Variants in STARD7 observed in about 807,000 individuals in gnomAD.
STARD7 encodes StAR related lipid transfer domain containing 7.
In STARD7, 30 loss-of-function variants were observed where a neutral mutation model predicts 45.3. That is an observed-to-expected ratio of 0.66 (90% CI 0.50 to 0.90). STARD7 has a LOEUF of 0.90. Ranked by LOEUF, STARD7 falls within the 40% of genes least tolerant of loss-of-function variation. The probability of loss-of-function intolerance (pLI) is 0.00; values close to 1 mark genes in which losing one functional copy is unlikely to be tolerated. For missense variants in STARD7, 495 were observed against 491.3 expected (o/e 1.01, Z -0.07); for synonymous variants, 199 against 183.0 (o/e 1.09, Z -0.70).
intron 3 of STARD7, among the ~76,000 whole-genome samples, chr2:96,193,617 A>G (rs1390550054): frequency 1.3e-5 from 2 of 152,274 alleles, no homozygotes; most frequent in African/African-American, 4.8e-5. Flanking sequence ...AAATATTTTA[A>G]TAGACACATC....
intron 1 of STARD7, among the ~76,000 whole-genome samples, chr2:96,204,377 A>ACC (rs1683354604): frequency 1.3e-5 from 2 of 151,936 alleles, no homozygotes; most frequent in African/African-American, 4.8e-5. Flanking sequence ...ACATGGTGAA[A>ACC]CCCCATCTCT....
At position 96,208,400 on chromosome 2, in the gene STARD7, G is replaced by T; in HGVS notation, c.35C>A (p.Ala12Glu). ...LPRRLLAAWL[A>E]GTRGGGLLAL... ...CAGCAGGCCCCCGCCCCGCGTCCCCGCCAGCCAGGCGGCCAGCAGCCTCCG... is the reference window on the plus strand; with the variant it reads ...CAGCAGGCCCCCGCCCCGCGTCCCCTCCAGCCAGGCGGCCAGCAGCCTCCG... Residue 12 changes from alanine (A) to glutamate (E), a missense_variant, in exon 1 of 8, where the codon GCG (alanine) becomes GAG (glutamate). Ala to Glu is a moderately radical substitution (Grantham distance 107). This residue lies in a region of STARD7 where 282 missense variants were observed against 220.1 expected (regional missense o/e 1.28). Transcript: ENST00000337288. The T allele has an allele frequency of 1.4e-6, 2 of 1,447,232 alleles. No homozygotes were observed. The highest frequency in any genetic ancestry group is 1.8e-6 in the Non-Finnish European group (2 of 1,110,258). 89.6% of individuals were successfully genotyped at this position (1,447,232 alleles called of 1,614,324 possible).
rs769676604 is a variant in STARD7 at position 96,195,530 on chromosome 2, G to T, written c.310C>A (p.Arg104=). The change falls in exon 2 of 8, where the codon CGG becomes AGG. Residue 104 remains arginine (R), a synonymous_variant. Coordinates refer to ENST00000337288, the MANE Select transcript of STARD7 (RefSeq NM_020151.4). ...ELQRSINEMK[R]LEEMSNMFQS... is the part of the protein sequence containing the mutation. ...AACATATTTGACATTTCTTCCAACC[G>T]CTTCATCTCATTAATAGATCTGTAA... 1 of 1,613,096 alleles carries T rather than the reference G, an allele frequency of 6.2e-7. No individual in the cohort carries two copies. Among genetic ancestry groups the T allele is most frequent in the South Asian group, 1.1e-5 (1 of 90,898 alleles).
At chr2:96,196,194 G>A (rs1683203382) in intron 1 of STARD7, among the ~76,000 whole-genome samples, 1 of 151,860 alleles carries the variant, frequency 6.6e-6, no homozygotes, top group African/African-American at 2.4e-5. Context: ...GCCAGGCACA[G>A]AGGCTCACTC....
At chr2:96,202,304 C>CT (rs1431004628) in intron 1 of STARD7, among the ~76,000 whole-genome samples, 2 of 152,166 alleles carry the variant, frequency 1.3e-5, no homozygotes, top group Non-Finnish European at 2.9e-5. Flanking sequence ...CAACACTGCT[C>CT]TAAGTAGATT....
chr2:96,199,029 C>T (rs894870805), intron 1 of STARD7, among the ~76,000 whole-genome samples: 1 of 152,184 alleles, frequency 6.6e-6, no homozygotes, highest in Non-Finnish European at 1.5e-5. Flanking sequence ...TTTATTCTAA[C>T]AATCTAGATG....
At chr2:96,203,428 A>G (rs919533055) in intron 1 of STARD7, among the ~76,000 whole-genome samples, 11 of 152,248 alleles carry the variant, frequency 7.2e-5, no homozygotes, top group African/African-American at 2.4e-4. Flanking sequence ...ACCGAAAGCT[A>G]TAGAAACTGA....
chr2:96,188,265 A>AC (rs1683068261), intron 6 of STARD7: 1 of 43,980 alleles, frequency 2.3e-5, no homozygotes, highest in Admixed American at 3.2e-4. Flanking sequence ...ACAGACCAAG[A>AC]CTTTTTTTTT....
Position 96,198,736 on chromosome 2 carries a change from T to A in STARD7, c.291-3187A>T, listed in dbSNP as rs558362696. On this transcript the variant is annotated intron_variant, in intron 1 of 7. Transcript: ENST00000337288. ...TTTCTTTGATTGCTTGTTTTTGGTGTTATAGCCAAGAAACCACTGCCTAAT... is the reference window on the plus strand; with the variant it reads ...TTTCTTTGATTGCTTGTTTTTGGTGATATAGCCAAGAAACCACTGCCTAAT... Among the ~76,000 whole-genome samples, 239 of 152,356 alleles carry A rather than the reference T, an allele frequency of 1.6e-3. 4 individuals carry two copies. In the Middle Eastern group the frequency reaches 0.037, roughly 24 times the overall value.
chr2:96,184,892 C>T lies in STARD7; in HGVS notation c.*1838G>A, dbSNP rs1000758801. ...GTACCAATCTTTATGTATTTATTCA[C>T]ACATTTGATAAAAATGTCACAGTTA... On this transcript the variant is annotated 3_prime_UTR_variant, in exon 8 of 8. Transcript: ENST00000337288. The T allele has an allele frequency of 2.0e-5, 3 of 152,630 alleles. No homozygotes were observed. Among genetic ancestry groups the T allele is most frequent in the Non-Finnish European group, 4.4e-5 (3 of 68,048 alleles). The allele number at this position is 152,630 out of a possible 1,614,324, so 9.5% of individuals were successfully genotyped here.
At chr2:96,204,749 C>CAAAGAAAAAAAAAAA (rs1683361019) in intron 1 of STARD7, among the ~76,000 whole-genome samples, 1 of 96,158 alleles carries the variant, frequency 1.0e-5, no homozygotes, top group African/African-American at 3.9e-5. Flanking sequence ...TGACAATGGC[C>CAAAGAAAAAAAAAAA]AAAAAAAAAA....
rs998704420 is a variant in STARD7 at position 96,207,072 on chromosome 2, T to C, written c.290+1073A>G. Among the ~76,000 whole-genome samples the C allele has an allele frequency of 1.3e-4, 20 of 152,250 alleles. 1 individual carries two copies. Among genetic ancestry groups the C allele is most frequent in the Non-Finnish European group, 4.4e-5 (3 of 68,052 alleles). On this transcript the variant is annotated intron_variant, in intron 1 of 7. Transcript: ENST00000337288. The stretch of plus-strand genomic sequence containing the variant: ...TTAAGTTGCATTTATAAAAGTTATC[T>C]TTCCTGCTAGGAAAAGTATTCCCAG...
intron 3 of STARD7, among the ~76,000 whole-genome samples, chr2:96,194,111 C>A (rs1180563515): frequency 6.6e-6 from 1 of 152,174 alleles, no homozygotes; most frequent in East Asian, 1.9e-4. Context: ...GTAATCCCGG[C>A]ACTTTGGGAG....
At chr2:96,204,960 A>G (rs1218660349) in intron 1 of STARD7, among the ~76,000 whole-genome samples, 3 of 152,198 alleles carry the variant, frequency 2.0e-5, no homozygotes, top group Admixed American at 6.5e-5. Context: ...TGAGGAGGTT[A>G]ATGGAACATT....
chr2:96,198,278 GCAC>G (rs917866331), intron 1 of STARD7, among the ~76,000 whole-genome samples: 52 of 150,786 alleles, frequency 3.4e-4, no homozygotes, highest in African/African-American at 1.1e-3. Flanking sequence ...AGCCAAGATT[GCAC>G]CACTTCACTC....
chr2:96,199,003 T>A (rs1683266221), intron 1 of STARD7, among the ~76,000 whole-genome samples: 1 of 152,224 alleles, frequency 6.6e-6, no homozygotes, highest in African/African-American at 2.4e-5. Flanking sequence ...TAAAGGTTTA[T>A]TTCTAGACTC....
intron 1 of STARD7, among the ~76,000 whole-genome samples, chr2:96,206,424 T>C (rs953301371): frequency 5.3e-5 from 8 of 152,142 alleles, no homozygotes; most frequent in African/African-American, 1.4e-4. Context: ...AACTGGAGAT[T>C]TTCCTCTCAA....
At position 96,186,594 on chromosome 2, in the gene STARD7, A is replaced by G. The variant is rs1375085935; in HGVS notation, c.*136T>C. ...AGGGCTCTGAATGAAATGGGACATC[A>G]GTTATTGAATTATCTTGCACTGGAA... On this transcript the variant is annotated 3_prime_UTR_variant, in exon 8 of 8. Transcript: ENST00000337288. The G allele has an allele frequency of 1.8e-6, 1 of 557,074 alleles. No individual in the cohort carries two copies. Among genetic ancestry groups the G allele is most frequent in the African/African-American group, 1.9e-5 (1 of 51,530 alleles). 34.5% of individuals were successfully genotyped at this position (557,074 alleles called of 1,614,324 possible). A position where few individuals can be genotyped will look rare whatever the true frequency, so the allele number is the denominator to read the frequency against.
rs766052925 is a variant in STARD7 at position 96,192,480 on chromosome 2, G to C, written c.744-12C>G. 6.2e-7 allele frequency: 1 copy of C among 1,601,024 alleles called. No individual in the cohort carries two copies. Among genetic ancestry groups the C allele is most frequent in the African/African-American group, 1.3e-5 (1 of 74,752 alleles). Reference sequence around the variant, plus strand: ...GATGCTCCACAGCACTGGTAAGGAGGAAAGGAGAAGCAAACTCTTAGTAAT... The same window carrying C: ...GATGCTCCACAGCACTGGTAAGGAGCAAAGGAGAAGCAAACTCTTAGTAAT... On this transcript the variant is annotated splice_polypyrimidine_tract_variant and intron_variant, in intron 5 of 7. Coordinates refer to ENST00000337288, the MANE Select transcript of STARD7 (RefSeq NM_020151.4).
Sources: gnomAD v4.1 joint callset for allele counts (sites outside exome capture counted in the v4.1 genomes callset) on GRCh38, gnomAD v4.1.1 for gene constraint, gnomAD v4.1.1 regional missense constraint, MANE v1.5 for transcripts, NCBI Gene and HGNC (gene_info 2026-07-23, HGNC 2026-07-21) for gene names.